Variants in CDH20 observed in about 807,000 individuals in gnomAD.
The protein encoded by CDH20 is cadherin-20.
In CDH20, 29 loss-of-function variants were observed where a neutral mutation model predicts 74.2. That is an observed-to-expected ratio of 0.39 (90% confidence interval 0.29 to 0.53). The LOEUF (loss-of-function observed/expected upper bound fraction) is 0.53, where lower values mean the gene tolerates loss of function less well. Ranked by LOEUF, CDH20 falls within the 20% of genes least tolerant of loss-of-function variation. CDH20 has a pLI of 0.69. For missense variants in CDH20, 988 were observed against 1,048.3 expected, an observed-to-expected ratio of 0.94 and a Z score of 0.79; for synonymous variants, 469 against 405.4, an observed-to-expected ratio of 1.16 and a Z score of -1.88.
At chr18:61,548,260 T>A (rs962039968) in intron 10 of CDH20, among the ~76,000 whole-genome samples, 2 of 152,178 alleles carry the variant, frequency 1.3e-5, no homozygotes, top group African/African-American at 4.8e-5. Flanking sequence ...TTTTGACAGT[T>A]AATATTACTA....
intron 1 of CDH20, among the ~76,000 whole-genome samples, chr18:61,419,996 T>A (rs1050362934): frequency 2.0e-5 from 3 of 152,248 alleles, no homozygotes; most frequent in South Asian, 2.1e-4. Context: ...AAAGATTTTG[T>A]GAAGCACAGA....
intron 1 of CDH20, among the ~76,000 whole-genome samples, chr18:61,472,996 A>G (rs554434204): frequency 6.6e-6 from 1 of 152,338 alleles, no homozygotes; most frequent in East Asian, 1.9e-4. Context: ...GCAGGAGCAA[A>G]AGATTTTTCT....
chr18:61,482,391 C>T (rs755030235), intron 1 of CDH20, among the ~76,000 whole-genome samples: 33 of 152,172 alleles, frequency 2.2e-4, no homozygotes, highest in Non-Finnish European at 3.7e-4. Flanking sequence ...AACTTTTCTT[C>T]ATATCCAGTT....
chr18:61,502,618 T>C (rs186170279), intron 4 of CDH20, among the ~76,000 whole-genome samples: 50 of 152,256 alleles, frequency 3.3e-4, no homozygotes, highest in African/African-American at 1.2e-3. Context: ...CAGTTTTCCT[T>C]GGTGAGACAG....
chr18:61,412,482 C>T (rs531734598), intron 1 of CDH20, among the ~76,000 whole-genome samples: 8 of 152,056 alleles, frequency 5.3e-5, no homozygotes, highest in Non-Finnish European at 1.2e-4. Flanking sequence ...TATATAAATA[C>T]TCAACATGTA....
chr18:61,398,548 A>C (rs1006793604), intron 1 of CDH20, among the ~76,000 whole-genome samples: 2 of 152,202 alleles, frequency 1.3e-5, no homozygotes, highest in Non-Finnish European at 2.9e-5. Context: ...CAATGTGTAA[A>C]AACAACAACA....
intron 1 of CDH20, among the ~76,000 whole-genome samples, chr18:61,386,368 T>C (rs988842582): frequency 5.3e-5 from 8 of 152,194 alleles, no homozygotes; most frequent in Non-Finnish European, 1.0e-4. Context: ...CTCTCACCCT[T>C]CCTTTCTTTT....
chr18:61,447,021 G>T (rs531775134), intron 1 of CDH20, among the ~76,000 whole-genome samples: 3 of 152,356 alleles, frequency 2.0e-5, no homozygotes, highest in Admixed American at 2.0e-4. Flanking sequence ...CAACCACTGG[G>T]ATTGTGATTC....
intron 1 of CDH20, among the ~76,000 whole-genome samples, chr18:61,402,245 A>T (rs76411037): frequency 0.037 from 5,703 of 152,236 alleles, 157 homozygotes; most frequent in South Asian, 0.073. Flanking sequence ...AGGTATCCCC[A>T]TGCCTTTGGG....
intron 1 of CDH20, among the ~76,000 whole-genome samples, chr18:61,359,240 A>G: frequency 6.6e-6 from 1 of 152,130 alleles, no homozygotes; most frequent in East Asian, 1.9e-4. Context: ...CATTTTGCAG[A>G]GCATTTTATA....
Position 61,534,383 on chromosome 18 carries a change from A to G in CDH20, c.1272-2110A>G, listed in dbSNP as rs186862987. Among the ~76,000 whole-genome samples, 508 of 152,368 alleles carry G rather than the reference A, an allele frequency of 3.3e-3. 4 individuals are homozygous for G. Among genetic ancestry groups the G allele is most frequent in the Middle Eastern group, 0.01 (3 of 294 alleles). On this transcript the variant is annotated intron_variant, in intron 7 of 11. Coordinates refer to ENST00000262717, the MANE Select transcript of CDH20 (RefSeq NM_031891.4). ...ATCCAACAATCCCATTTCTGGGTAT[A>G]TATCCAAAGGAACTGGAATTAATAT...
rs1350304730 is a variant in CDH20, at chr18:61,353,449, C to A, written c.-153+19622C>A. On this transcript the variant is annotated intron_variant, in intron 1 of 11. Coordinates refer to ENST00000262717, the MANE Select transcript of CDH20 (RefSeq NM_031891.4). The surrounding 1 kb of genome is among the most constrained non-coding windows in gnomAD (Gnocchi z 4.6). ...CCCTAGATTCTCATAAAATGGACTT[C>A]ATATTGCAATACCAGTACTAATCAT... Among the ~76,000 whole-genome samples the A allele has an allele frequency of 2.0e-5, 3 of 152,182 alleles. No homozygotes were observed. The highest frequency in any genetic ancestry group is 4.4e-5 in the Non-Finnish European group (3 of 68,032).
At position 61,539,092 on chromosome 18, in the gene CDH20, G is replaced by C; in HGVS notation, c.1477G>C (p.Glu493Gln). 1 of 1,613,948 alleles carries C rather than the reference G, an allele frequency of 6.2e-7. No homozygotes were observed. ...CTTAGATGTGAATGACAATGCTCCAGAGTTCCCCAGATTCTATGAAGCTTT... is the reference window on the plus strand; with the variant it reads ...CTTAGATGTGAATGACAATGCTCCACAGTTCCCCAGATTCTATGAAGCTTT... ...KVLDVNDNAP[E>Q]FPRFYEAFVC... The change falls in exon 9 of 12, where the codon GAG becomes CAG. Residue 493 changes from glutamate to glutamine, a missense_variant. By Grantham distance (29) the Glu-to-Gln change is conservative (BLOSUM62 2). Around this residue, in one of 2 missense-constraint regions of CDH20, gnomAD observed 613 missense variants for 755.2 expected, o/e 0.81. Coordinates refer to ENST00000262717, the MANE Select transcript of CDH20 (RefSeq NM_031891.4).
intron 1 of CDH20, among the ~76,000 whole-genome samples, chr18:61,463,742 C>T (rs542791591): frequency 6.6e-6 from 1 of 152,204 alleles, no homozygotes; most frequent in East Asian, 1.9e-4. Flanking sequence ...AAGGTAGGTT[C>T]GGTCAACTCC....
At chr18:61,475,900 T>C (rs974190885) in intron 1 of CDH20, among the ~76,000 whole-genome samples, 8 of 151,966 alleles carry the variant, frequency 5.3e-5, no homozygotes, top group South Asian at 2.1e-4. Context: ...GTTTTTTAAA[T>C]AGAAAATAAC....
At chr18:61,499,003 T>C (rs1175494426) in intron 2 of CDH20, among the ~76,000 whole-genome samples, 183 bp from the exon 3 acceptor site, 1 of 152,130 alleles carries the variant, frequency 6.6e-6, no homozygotes, top group Non-Finnish European at 1.5e-5. Flanking sequence ...TTAATCAACC[T>C]ACACCCACTC....
At chr18:61,357,401 T>C (rs1296138807) in intron 1 of CDH20, among the ~76,000 whole-genome samples, 3 of 152,166 alleles carry the variant, frequency 2.0e-5, no homozygotes, top group South Asian at 2.1e-4. Context: ...AGAGGGTTTT[T>C]TCCCCCCTCC....
intron 1 of CDH20, among the ~76,000 whole-genome samples, chr18:61,451,854 G>A (rs899839213): frequency 1.3e-5 from 2 of 152,038 alleles, no homozygotes; most frequent in African/African-American, 4.8e-5. Flanking sequence ...CTACTGCTTA[G>A]GGATGCTTTG....
chr18:61,424,877 C>T (rs1913013871), intron 1 of CDH20, among the ~76,000 whole-genome samples: 1 of 152,088 alleles, frequency 6.6e-6, no homozygotes, highest in South Asian at 2.1e-4. Context: ...GGGGAAATTC[C>T]TCAGTATTAG....
Sources: allele counts gnomAD v4.1 joint callset (sites outside exome capture counted in the v4.1 genomes callset), GRCh38; gene constraint gnomAD v4.1.1; regional missense constraint gnomAD v4.1.1; non-coding constraint Gnocchi (gnomAD v3.1); transcripts MANE v1.5; gene names NCBI Gene and HGNC (gene_info 2026-07-23, HGNC 2026-07-21).